The following LCT variants were observed in gnomAD, a reference collection of about 807,000 sequenced individuals.
LCT encodes lactase.
Under a neutral mutation model 173.0 loss-of-function variants are expected in LCT, and 90 were observed. That is an observed-to-expected ratio of 0.52 (90% CI 0.44 to 0.62). The LOEUF is 0.62. Among genes scored for constraint, LCT ranks in the 20% least tolerant of loss-of-function variants. The probability of loss-of-function intolerance (pLI) is 0.00; values close to 1 mark genes in which losing one functional copy is unlikely to be tolerated. For synonymous variants in LCT, 853 were observed against 957.6 expected, an observed-to-expected ratio of 0.89 and a Z score of 2.02; for missense variants, 1,864 against 2,431.4, an observed-to-expected ratio of 0.77 and a Z score of 4.91.
chr2:135,817,610 G>A lies in LCT; in HGVS notation c.1438C>T (p.Leu480=), dbSNP rs1218670079. The A allele has an allele frequency of 1.2e-6, 2 of 1,614,114 alleles. No homozygotes were observed. Among genetic ancestry groups the A allele is most frequent in the African/African-American group, 2.7e-5 (2 of 75,066 alleles). Residue 480 remains leucine, a synonymous_variant, in exon 6 of 17, where the codon CTG becomes TTG. Coordinates refer to ENST00000264162, the MANE Select transcript of LCT (RefSeq NM_002299.4). ...CCCGCATCCTGTAGCCTGTCAATCA[G>A]CTTGTTGTAGTAGGCAACGCCTGGG... ...SLPGVAYYNK[L]IDRLQDAGIE... is the part of the protein sequence containing the mutation.
In LCT at chr2:135,788,110, C is replaced by T. The variant is rs2077506004; in HGVS notation, c.*214G>A. The T allele has an allele frequency of 5.1e-6, 3 of 588,826 alleles. No homozygotes were observed. The highest frequency in any genetic ancestry group is 2.9e-5 in the Admixed American group (1 of 34,202). The allele number at this position is 588,826 out of a possible 1,614,324, so 36.5% of individuals were successfully genotyped here. ...GCAAGAGCTACTTGCTTCTCAAATG[C>T]CCAAATGAACTCTGATACTGGAGCA... is the stretch of plus-strand genomic sequence containing the variant. On this transcript the variant is annotated 3_prime_UTR_variant, in exon 17 of 17. Transcript: ENST00000264162.
intron 7 of LCT, among the ~76,000 whole-genome samples, chr2:135,811,301 C>T (rs775768176): frequency 3.9e-5 from 6 of 152,076 alleles, no homozygotes; most frequent in Non-Finnish European, 5.9e-5. Flanking sequence ...AATTCTAACC[C>T]GTGGTGCCAG....
intron 1 of LCT, among the ~76,000 whole-genome samples, chr2:135,835,978 A>G (rs12052913): frequency 0.24 from 3,694 of 15,200 alleles, 117 homozygotes; most frequent in Middle Eastern, 0.43. Context: ...ACATGTGTGT[A>G]TATATATATA....
chr2:135,794,336 A>AT, intron 14 of LCT: 1 of 292,568 alleles, frequency 3.4e-6, no homozygotes, highest in East Asian at 6.5e-5. Flanking sequence ...ACAACCAAGC[A>AT]TTTTTAGAGT....
At chr2:135,817,312 T>G (rs1248704782) in intron 6 of LCT, 29 bp downstream of exon 6, 1 of 1,607,086 alleles carries the variant, frequency 6.2e-7, no homozygotes, top group Admixed American at 1.7e-5. Flanking sequence ...TCTCCTCCAA[T>G]TAGTAGGAGC....
rs565492900 is a variant in LCT at position 135,835,955 on chromosome 2, G to T, written c.640+575C>A. Among the ~76,000 whole-genome samples, 113 of 135,890 alleles carry T rather than the reference G, an allele frequency of 8.3e-4. 1 individual carries two copies. Among genetic ancestry groups the T allele is most frequent in the African/African-American group, 1.3e-3 (43 of 33,686 alleles). 89.1% of individuals were successfully genotyped at this position (135,890 alleles called of 152,430 possible). A position where few individuals can be genotyped will look rare whatever the true frequency, so the allele number is the denominator to read the frequency against. ...TGCACAACTCAAGACTGGGCAAGGG[G>T]TATTTCAAAAATACATGTGTGTATA... On this transcript the variant is annotated intron_variant, in intron 1 of 16. Transcript: ENST00000264162.
At chr2:135,834,794 A>AAAAG in intron 1 of LCT, among the ~76,000 whole-genome samples, 2 of 139,878 alleles carry the variant, frequency 1.4e-5, no homozygotes, top group Admixed American at 7.0e-5. Flanking sequence ...TCTCAAAAAA[A>AAAAG]AAAAAAAAAA....
At chr2:135,807,823 A>G (rs147038899) in intron 8 of LCT, among the ~76,000 whole-genome samples, 41 of 150,286 alleles carry the variant, frequency 2.7e-4, no homozygotes, top group African/African-American at 8.3e-4. Context: ...AAAAAAATCA[A>G]TGAAACAAAA....
At chr2:135,830,726 A>G (rs2077930649) in intron 2 of LCT, among the ~76,000 whole-genome samples, 1 of 152,200 alleles carries the variant, frequency 6.6e-6, no homozygotes, top group Non-Finnish European at 1.5e-5. Flanking sequence ...AGTGTTCACT[A>G]AAGACCACAC....
chr2:135,827,318 T>C (rs572715366), intron 3 of LCT, among the ~76,000 whole-genome samples: 1 of 152,340 alleles, frequency 6.6e-6, no homozygotes. Context: ...AAAGCCCTAG[T>C]TCAAATCCCA....
At chr2:135,793,637 C>T (rs1186203379) in intron 14 of LCT, among the ~76,000 whole-genome samples, 1 of 152,030 alleles carries the variant, frequency 6.6e-6, no homozygotes, top group Non-Finnish European at 1.5e-5. Flanking sequence ...CTCTGAATTG[C>T]CAGATAAAGA....
chr2:135,788,124 G>A lies in LCT; in HGVS notation c.*200C>T. 1 of 614,974 alleles carries A rather than the reference G, an allele frequency of 1.6e-6. No homozygotes were observed. Among genetic ancestry groups the A allele is most frequent in the Admixed American group, 2.8e-5 (1 of 36,336 alleles). 38.1% of individuals were successfully genotyped at this position (614,974 alleles called of 1,614,324 possible). A position where few individuals can be genotyped will look rare whatever the true frequency, so the allele number is the denominator to read the frequency against. On this transcript the variant is annotated 3_prime_UTR_variant, in exon 17 of 17. Transcript: ENST00000264162. ...CTTCTCAAATGCCCAAATGAACTCT[G>A]ATACTGGAGCAAGATGGAGATATTT... is the stretch of plus-strand genomic sequence containing the variant.
At chr2:135,810,729 A>AC (rs2077727822) in intron 7 of LCT, among the ~76,000 whole-genome samples, 1 of 1,618 alleles carries the variant, frequency 6.2e-4, no homozygotes. Flanking sequence ...GTCTCTATTG[A>AC]AAAAAAAAAA....
intron 13 of LCT, 43 bp downstream of exon 13, chr2:135,797,986 C>A (rs760690454): frequency 9.2e-7 from 1 of 1,088,642 alleles, no homozygotes; most frequent in Non-Finnish European, 1.4e-6. Context: ...CCTCTGTGAC[C>A]CCGACGCCCA....
In LCT at chr2:135,789,005, G is replaced by A. The variant is rs547174398; in HGVS notation, c.5564-461C>T. On this transcript the variant is annotated intron_variant, in intron 16 of 16. Transcript: ENST00000264162. The stretch of plus-strand genomic sequence containing the variant: ...AAAGCTTTAACTGTGTTTTGACTGC[G>A]ACCTGTCACATGGGGTCAGGTGTTG... Among the ~76,000 whole-genome samples the A allele has an allele frequency of 1.8e-4, 28 of 152,274 alleles. No individual in the cohort carries two copies. The East Asian group carries it at 4.6e-3, about 25-fold the overall frequency.
intron 3 of LCT, among the ~76,000 whole-genome samples, chr2:135,825,842 G>A (rs1282149059): frequency 6.6e-6 from 1 of 152,214 alleles, no homozygotes; most frequent in Non-Finnish European, 1.5e-5. Flanking sequence ...CCCACAGGAA[G>A]AGGCCCCTTC....
chr2:135,801,338 T>C (rs2077626040), intron 11 of LCT, among the ~76,000 whole-genome samples: 2 of 152,210 alleles, frequency 1.3e-5, no homozygotes, highest in South Asian at 2.1e-4. Context: ...ACTAAAGAGA[T>C]GGAATTTCTT....
intron 8 of LCT, among the ~76,000 whole-genome samples, chr2:135,808,039 C>CAA (rs1182380031): frequency 7.2e-6 from 1 of 138,686 alleles, no homozygotes; most frequent in East Asian, 2.1e-4. Flanking sequence ...GACTCCATCT[C>CAA]AAAAAAAAAA....
intron 2 of LCT, among the ~76,000 whole-genome samples, chr2:135,832,222 A>T (rs1020758760): frequency 5.9e-5 from 9 of 151,682 alleles, no homozygotes; most frequent in African/African-American, 1.7e-4. Flanking sequence ...ATCTCAAAAA[A>T]AAAATAAAAT....
Sources: gnomAD v4.1 joint callset for allele counts (sites outside exome capture counted in the v4.1 genomes callset) on GRCh38, gnomAD v4.1.1 for gene constraint, MANE v1.5 for transcripts, NCBI Gene and HGNC (gene_info 2026-07-23, HGNC 2026-07-21) for gene names.